The following TMEM107 variants were observed in gnomAD, a reference collection of about 807,000 sequenced individuals.
The protein encoded by TMEM107 is transmembrane protein 107.
A neutral mutation model predicts 16.8 loss-of-function variants in TMEM107; 18 were observed. That is an observed-to-expected ratio of 1.07 (90% CI 0.74 to 1.59). The LOEUF (loss-of-function observed/expected upper bound fraction) is 1.59. Ranked by LOEUF, TMEM107 falls within the 40% of genes most tolerant of loss-of-function variation. The pLI is 0.00. For synonymous variants in TMEM107, 68 were observed against 71.6 expected (o/e 0.95, Z 0.25); for missense variants, 152 against 175.4 (o/e 0.87, Z 0.75).
intron 3 of TMEM107, chr17:8,175,453 A>C: frequency 3.4e-6 from 2 of 589,840 alleles, no homozygotes; most frequent in Non-Finnish European, 6.0e-6. Context: ...TCATTGTAAA[A>C]AGAAACGGTG....
At chr17:8,176,100 A>C (rs759022697) in intron 1 of TMEM107, 74 bp from the exon 2 acceptor site, 2 of 1,608,104 alleles carry the variant, frequency 1.2e-6, no homozygotes, top group Non-Finnish European at 1.7e-6. Flanking sequence ...GCGGGAAACA[A>C]GAAAACCCAA....
chr17:8,174,619 TG>T lies in TMEM107; in HGVS notation c.257-4del. 6.2e-7 allele frequency: 1 copy of T among 1,613,922 alleles called. No individual in the cohort carries two copies. Among genetic ancestry groups the T allele is most frequent in the Non-Finnish European group, 8.5e-7 (1 of 1,179,866 alleles). The stretch of plus-strand genomic sequence containing the variant: ...TGCACTACAGTGAGCCCCAATGGCT[TG>T]GGAAGGCACGAGATTAAGGAAAGTC... On this transcript the variant is annotated splice_region_variant and splice_polypyrimidine_tract_variant and intron_variant, in intron 3 of 4. Transcript: ENST00000437139.
In TMEM107 at chr17:8,174,044, G is replaced by A. The variant is rs73245431; in HGVS notation, c.*159C>T. On this transcript the variant is annotated 3_prime_UTR_variant, in exon 5 of 5. Coordinates refer to ENST00000437139, the MANE Select transcript of TMEM107 (RefSeq NM_183065.4). Reference sequence around the variant, plus strand: ...TATTACAAAGCACTAAATACAATGCGGATAATCCCAGACTCAAGACGTAAT... The same window carrying A: ...TATTACAAAGCACTAAATACAATGCAGATAATCCCAGACTCAAGACGTAAT... 1,172 of 647,714 alleles carry A rather than the reference G, an allele frequency of 1.8e-3. 19 individuals are homozygous for A. In the African/African-American group the frequency reaches 0.02, roughly 11 times the overall value. The allele number at this position is 647,714 out of a possible 1,614,324, so 40.1% of individuals were successfully genotyped here.
In TMEM107 at chr17:8,173,613, A is replaced by C. The variant is rs138747120; in HGVS notation, c.*590T>G. ...TACAGACAAACAGCCGACATTCTGC[A>C]CTCAGTGAAAAAGATTCCGTTACAA... is the stretch of plus-strand genomic sequence containing the variant. On this transcript the variant is annotated 3_prime_UTR_variant, in exon 5 of 5. Transcript: ENST00000437139. 5 of 755,638 alleles carry C rather than the reference A, an allele frequency of 6.6e-6. No homozygotes were observed. Among genetic ancestry groups the C allele is most frequent in the Non-Finnish European group, 1.2e-5 (5 of 411,184 alleles). The allele number at this position is 755,638 out of a possible 1,614,324, so 46.8% of individuals were successfully genotyped here.
Position 8,173,281 on chromosome 17 carries a change from A to C in TMEM107, c.*922T>G. 1 of 534,736 alleles carries C rather than the reference A, an allele frequency of 1.9e-6. No individual in the cohort carries two copies. The highest frequency in any genetic ancestry group is 3.4e-6 in the Non-Finnish European group (1 of 298,314). 33.1% of individuals were successfully genotyped at this position (534,736 alleles called of 1,614,324 possible). A position where few individuals can be genotyped will look rare whatever the true frequency, so the allele number is the denominator to read the frequency against. ...TAAATTCCAGAAAGCAACAAAAACC[A>C]AATCACAATTTTCAAGAACAAACAA... On this transcript the variant is annotated 3_prime_UTR_variant, in exon 5 of 5. Transcript: ENST00000437139.
rs535638789 is a variant in TMEM107, at chr17:8,176,345, T to C, written c.-59A>G. ...CTGGAAGTTCAGAGACAGCGACTCC[T>C]GAAGTCTCCCCGCAAGCCGACAAAT... is the stretch of plus-strand genomic sequence containing the variant. On this transcript the variant is annotated 5_prime_UTR_variant, in exon 1 of 5. Coordinates refer to ENST00000437139, the MANE Select transcript of TMEM107 (RefSeq NM_183065.4). 32 of 1,403,542 alleles carry C rather than the reference T, an allele frequency of 2.3e-5. No individual in the cohort carries two copies. In the African/African-American group the frequency reaches 3.9e-4, roughly 17 times the overall value. The allele number at this position is 1,403,542 out of a possible 1,614,324, so 86.9% of individuals were successfully genotyped here.
chr17:8,174,348 T>G, intron 4 of TMEM107, 76 bp from the exon 5 acceptor site: 1 of 1,452,238 alleles, frequency 6.9e-7, no homozygotes, highest in South Asian at 1.1e-5. Flanking sequence ...ACCCCACCTC[T>G]GAAAGTGTAG....
Position 8,173,509 on chromosome 17 carries a change from A to C in TMEM107, c.*694T>G, listed in dbSNP as rs374183932. 108 of 765,254 alleles carry C rather than the reference A, an allele frequency of 1.4e-4. No homozygotes were observed. The highest frequency in any genetic ancestry group is 2.5e-4 in the Non-Finnish European group (103 of 418,046). The allele number at this position is 765,254 out of a possible 1,614,324, so 47.4% of individuals were successfully genotyped here. On this transcript the variant is annotated 3_prime_UTR_variant, in exon 5 of 5. Coordinates refer to ENST00000437139, the MANE Select transcript of TMEM107 (RefSeq NM_183065.4). ...TCCTGATTACGCAGAGACGTTAATCACGTTTCATGCATCTCCAATCATCAT... is the reference window on the plus strand; with the variant it reads ...TCCTGATTACGCAGAGACGTTAATCCCGTTTCATGCATCTCCAATCATCAT...
Position 8,173,554 on chromosome 17 carries a change from A to C in TMEM107, c.*649T>G, listed in dbSNP as rs142684790. ...CATCATGTTCTAATCTGCCCTCCGG[A>C]GGAGGAACAGGTAAGGATTATCCCA... On this transcript the variant is annotated 3_prime_UTR_variant, in exon 5 of 5. Transcript: ENST00000437139. 753 of 765,360 alleles carry C rather than the reference A, an allele frequency of 9.8e-4. 4 individuals carry two copies. The highest frequency in any genetic ancestry group is 9.1e-3 in the East Asian group (376 of 41,248). 47.4% of individuals were successfully genotyped at this position (765,360 alleles called of 1,614,324 possible). A position where few individuals can be genotyped will look rare whatever the true frequency, so the allele number is the denominator to read the frequency against.
rs111388108 is a variant in TMEM107, at chr17:8,172,885, G to C, written c.*1318C>G. On this transcript the variant is annotated 3_prime_UTR_variant, in exon 5 of 5. Transcript: ENST00000437139. ...AAAAAAAAAAAAAAAACCAAAAGAG[G>C]GGGGTGGTCAACATACCATATGCTG... Among the ~76,000 whole-genome samples the C allele has an allele frequency of 0.021, 3,027 of 146,372 alleles. 137 individuals are homozygous for C. The highest frequency in any genetic ancestry group is 0.074 in the African/African-American group (2,880 of 39,072).
rs76164795 is a variant in TMEM107 at position 8,173,546 on chromosome 17, C to G, written c.*657G>C. The G allele has an allele frequency of 6.5e-6, 5 of 765,246 alleles. No individual in the cohort carries two copies. Among genetic ancestry groups the G allele is most frequent in the South Asian group, 2.7e-5 (2 of 74,616 alleles). The allele number at this position is 765,246 out of a possible 1,614,324, so 47.4% of individuals were successfully genotyped here. On this transcript the variant is annotated 3_prime_UTR_variant, in exon 5 of 5. Coordinates refer to ENST00000437139, the MANE Select transcript of TMEM107 (RefSeq NM_183065.4). ...TCTCCAATCATCATGTTCTAATCTG[C>G]CCTCCGGAGGAGGAACAGGTAAGGA... is the stretch of plus-strand genomic sequence containing the variant.
At chr17:8,175,527 G>A (rs1267105663) in intron 3 of TMEM107, 4 of 621,486 alleles carry the variant, frequency 6.4e-6, no homozygotes, top group African/African-American at 3.7e-5. Context: ...TCCTGCCTGC[G>A]CCTCCCACAG....
At position 8,173,361 on chromosome 17, in the gene TMEM107, A is replaced by C; in HGVS notation, c.*842T>G. 1 of 617,992 alleles carries C rather than the reference A, an allele frequency of 1.6e-6. No individual in the cohort carries two copies. Among genetic ancestry groups the C allele is most frequent in the Non-Finnish European group, 3.0e-6 (1 of 337,292 alleles). The allele number at this position is 617,992 out of a possible 1,614,324, so 38.3% of individuals were successfully genotyped here. On this transcript the variant is annotated 3_prime_UTR_variant, in exon 5 of 5. Transcript: ENST00000437139. ...GCAATAGCAAGACTGCAAAATAGAC[A>C]AACAGCAAGGTTATCCCAGTCAGAA... is the stretch of plus-strand genomic sequence containing the variant.
chr17:8,172,871 A>AAAC lies in TMEM107; in HGVS notation c.*1331_*1332insGTT, dbSNP rs1555525292. Among the ~76,000 whole-genome samples, 94 of 146,586 alleles carry AAAC rather than the reference A, an allele frequency of 6.4e-4. 5 individuals carry two copies. Among genetic ancestry groups the AAAC allele is most frequent in the African/African-American group, 2.2e-3 (88 of 40,384 alleles). ...AGACTGTCTCAAAAAAAAAAAAAAA[A>AAAC]AAAACCAAAAGAGGGGGGTGGTCAA... is the stretch of plus-strand genomic sequence containing the variant. On this transcript the variant is annotated 3_prime_UTR_variant, in exon 5 of 5. Coordinates refer to ENST00000437139, the MANE Select transcript of TMEM107 (RefSeq NM_183065.4).
chr17:8,175,287 G>C (rs1435283805), intron 3 of TMEM107: 3 of 250,294 alleles, frequency 1.2e-5, no homozygotes, highest in Admixed American at 5.1e-5. Flanking sequence ...GGCCGGTCTC[G>C]AACTCCTGAC....
chr17:8,175,445 A>G (rs1217932549), intron 3 of TMEM107: 3 of 579,418 alleles, frequency 5.2e-6, no homozygotes, highest in East Asian at 5.8e-5. Flanking sequence ...CCTCCTCCTC[A>G]TTGTAAAAAG....
At chr17:8,174,343 A>G in intron 4 of TMEM107, 71 bp from the exon 5 acceptor site, 2 of 1,466,406 alleles carry the variant, frequency 1.4e-6, no homozygotes, top group Non-Finnish European at 1.9e-6. Context: ...CAGAGACCCC[A>G]CCTCTGAAAG....
rs1983949752 is a variant in TMEM107 at position 8,174,290 on chromosome 17, A to G, written c.354-18T>C. 1 of 1,610,186 alleles carries G rather than the reference A, an allele frequency of 6.2e-7. No homozygotes were observed. The highest frequency in any genetic ancestry group is 8.5e-7 in the Non-Finnish European group (1 of 1,176,384). On this transcript the variant is annotated intron_variant, in intron 4 of 4. Coordinates refer to ENST00000437139, the MANE Select transcript of TMEM107 (RefSeq NM_183065.4). ...GAAGGGCACTACCAAGGCAAGTGGT[A>G]GATTCAGAAACCCTTTCAGTATAAA...
At position 8,173,744 on chromosome 17, in the gene TMEM107, T is replaced by C. The variant is rs1598274452; in HGVS notation, c.*459A>G. 2 of 558,750 alleles carry C rather than the reference T, an allele frequency of 3.6e-6. No homozygotes were observed. The highest frequency in any genetic ancestry group is 2.9e-5 in the East Asian group (1 of 34,236). The allele number at this position is 558,750 out of a possible 1,614,324, so 34.6% of individuals were successfully genotyped here. A position where few individuals can be genotyped will look rare whatever the true frequency, so the allele number is the denominator to read the frequency against. On this transcript the variant is annotated 3_prime_UTR_variant, in exon 5 of 5. Transcript: ENST00000437139. Reference sequence around the variant, plus strand: ...CACATTTTTTTAAATTTTTTTTTCATTCGGCTGCCGAAAAGGAATAAATTA... The same window carrying C: ...CACATTTTTTTAAATTTTTTTTTCACTCGGCTGCCGAAAAGGAATAAATTA...
Sources: allele counts gnomAD v4.1 joint callset (sites outside exome capture counted in the v4.1 genomes callset), GRCh38; gene constraint gnomAD v4.1.1; transcripts MANE v1.5; gene names NCBI Gene and HGNC (gene_info 2026-07-23, HGNC 2026-07-21).